ESR1: variants seen among roughly 807,000 people sequenced by gnomAD.
ESR1 encodes the protein estrogen receptor.
ESR1 carries 12 observed loss-of-function variants against 52.7 expected under a neutral mutation model. The observed-to-expected ratio is 0.23, with a 90% CI of 0.15 to 0.37. The LOEUF is 0.37. Among genes scored for constraint, ESR1 ranks in the 10% least tolerant of loss-of-function variants. The pLI is 1.00. For synonymous variants in ESR1, 305 were observed against 316.8 expected (o/e 0.96, Z 0.39); for missense variants, 584 against 779.7 (o/e 0.75, Z 2.99).
At chr6:152,097,701 A>T (rs1308486249) in intron 7 of ESR1, among the ~76,000 whole-genome samples, 1 of 151,878 alleles carries the variant, frequency 6.6e-6, no homozygotes, top group Non-Finnish European at 1.5e-5. Context: ...GGAAAGGAGA[A>T]TGCCATTTGC....
intron 1 of ESR1, among the ~76,000 whole-genome samples, chr6:151,835,019 G>A (rs1019883936): frequency 3.9e-5 from 6 of 152,034 alleles, no homozygotes; most frequent in African/African-American, 2.4e-5. Flanking sequence ...GGGAGAGTTC[G>A]GGATCTGTAA....
In ESR1 at chr6:151,944,309, A is replaced by G. The variant is rs1239219311; in HGVS notation, c.897A>G (p.Lys299=). 8 of 1,614,054 alleles carry G rather than the reference A, an allele frequency of 5.0e-6. No individual in the cohort carries two copies. Among genetic ancestry groups the G allele is most frequent in the South Asian group, 4.4e-5 (4 of 91,082 alleles). The part of the protein sequence containing the change: ...ANLWPSPLMI[K]RSKKNSLALS... ...TTTGGCCAAGCCCGCTCATGATCAA[A>G]CGCTCTAAGAAGAACAGCCTGGCCT... Residue 299 remains lysine, a synonymous_variant, in exon 4 of 8, where the codon AAA becomes AAG. Coordinates refer to ENST00000206249, the MANE Select transcript of ESR1 (RefSeq NM_000125.4).
At chr6:152,105,020 T>C (rs1021864547), downstream of ESR1, among the ~76,000 whole-genome samples, 5 of 152,146 alleles carry the variant, frequency 3.3e-5, no homozygotes, top group African/African-American at 1.2e-4. Context: ...TCTAGGTTGG[T>C]GAACACTTGG....
intron 4 of ESR1, among the ~76,000 whole-genome samples, chr6:151,969,361 T>C (rs2038656579): frequency 6.6e-6 from 1 of 152,218 alleles, no homozygotes; most frequent in East Asian, 1.9e-4. Flanking sequence ...TGGCCTTTAT[T>C]TTCATGTAGA....
intron 6 of ESR1, among the ~76,000 whole-genome samples, chr6:152,116,579 T>C (rs1345767264): frequency 1.3e-5 from 2 of 152,200 alleles, no homozygotes; most frequent in Non-Finnish European, 1.5e-5. Context: ...CAAGAGGATC[T>C]TTTGTAATCA....
chr6:151,690,480 T>A (rs1013634590), upstream of ESR1: 2 of 152,230 alleles, frequency 1.3e-5, no homozygotes, highest in Admixed American at 1.3e-4. Flanking sequence ...TTTGAGTTAC[T>A]GCATTTCCTA....
chr6:152,030,005 G>C (rs1328336472), intron 5 of ESR1, among the ~76,000 whole-genome samples: 3 of 152,170 alleles, frequency 2.0e-5, no homozygotes, highest in East Asian at 1.9e-4. Flanking sequence ...TTAAAGAAAA[G>C]AATTTTCAAC....
intron 1 of ESR1, among the ~76,000 whole-genome samples, chr6:151,690,936 GCA>G (rs777582674): frequency 4.6e-5 from 7 of 152,192 alleles, no homozygotes; most frequent in Non-Finnish European, 1.0e-4. Flanking sequence ...TCTTAGTACA[GCA>G]CACACAGGCT....
intron 2 of ESR1, among the ~76,000 whole-genome samples, chr6:151,797,665 A>G (rs1213761868): frequency 2.0e-5 from 3 of 152,202 alleles, no homozygotes; most frequent in East Asian, 1.9e-4. Flanking sequence ...AATTGCTTAC[A>G]TAAGAACAAT....
chr6:151,977,722 GA>G (rs1404765857), intron 4 of ESR1, among the ~76,000 whole-genome samples: 1 of 152,008 alleles, frequency 6.6e-6, no homozygotes, highest in Non-Finnish European at 1.5e-5. Flanking sequence ...TTGAACCCAG[GA>G]GGCGGAGGTT....
intron 1 of ESR1, among the ~76,000 whole-genome samples, chr6:151,829,417 GA>G (rs1782023692): frequency 1.3e-5 from 2 of 151,866 alleles, no homozygotes; most frequent in African/African-American, 2.4e-5. Context: ...CCTCATTTTA[GA>G]AAAGTGATTT....
Position 151,720,950 on chromosome 6 carries a change from G to A in ESR1, c.-71+18945G>A, listed in dbSNP as rs369044281. ...CATTTGTTAAGTGTCAGACACTATG[G>A]TAGGTGCTGGTAATATAAAGAGAAT... On this transcript the variant is annotated intron_variant, in intron 2 of 2. Transcript: ENST00000404742. 4.1e-4 allele frequency among the ~76,000 whole-genome samples: 63 copies of A among 152,260 alleles called. No individual in the cohort carries two copies. In the South Asian group the frequency reaches 1.0e-2, roughly 24 times the overall value.
intron 6 of ESR1, among the ~76,000 whole-genome samples, chr6:152,092,770 A>G (rs2050289083): frequency 6.6e-6 from 1 of 152,186 alleles, no homozygotes. Context: ...AGCCTGTTCC[A>G]TCCTGCCCAT....
chr6:151,823,302 T>A (rs1301126768), intron 1 of ESR1, among the ~76,000 whole-genome samples: 1 of 152,162 alleles, frequency 6.6e-6, no homozygotes, highest in Non-Finnish European at 1.5e-5. Context: ...TGATGTAGAA[T>A]TTGCATCCTT....
intron 2 of ESR1, among the ~76,000 whole-genome samples, chr6:151,767,375 C>T (rs1233676179): frequency 6.6e-6 from 1 of 152,138 alleles, no homozygotes; most frequent in Non-Finnish European, 1.5e-5. Flanking sequence ...CCTAGGTTGT[C>T]CTCAAAATGC....
At chr6:151,818,707 G>A (rs1417713005) in intron 1 of ESR1, among the ~76,000 whole-genome samples, 1 of 151,992 alleles carries the variant, frequency 6.6e-6, no homozygotes, top group South Asian at 2.1e-4. Context: ...TCTTATTGCT[G>A]TTAGGAGTTC....
chr6:151,855,419 C>T (rs965202842), intron 2 of ESR1, among the ~76,000 whole-genome samples: 2 of 152,108 alleles, frequency 1.3e-5, no homozygotes. Context: ...TTTTTCATTT[C>T]TCCCTGTTTC....
chr6:151,948,097 T>A (rs1377724386), intron 4 of ESR1, among the ~76,000 whole-genome samples: 1 of 152,150 alleles, frequency 6.6e-6, no homozygotes, highest in Non-Finnish European at 1.5e-5. Context: ...AGCTGAAGGT[T>A]AAAAAGGAAA....
At chr6:152,006,654 C>T (rs1415576253) in intron 4 of ESR1, among the ~76,000 whole-genome samples, 1 of 151,962 alleles carries the variant, frequency 6.6e-6, no homozygotes, top group Non-Finnish European at 1.5e-5. Flanking sequence ...ATACTGTACT[C>T]TTGCACTGAG....
Sources: allele counts gnomAD v4.1 joint callset (sites outside exome capture counted in the v4.1 genomes callset), GRCh38; gene constraint gnomAD v4.1.1; transcripts MANE v1.5; gene names NCBI Gene and HGNC (gene_info 2026-07-23, HGNC 2026-07-21).